DRC3: variants seen among roughly 807,000 people sequenced by gnomAD.
DRC3 encodes the protein leucine rich repeat containing 48.
A neutral mutation model predicts 57.6 loss-of-function variants in DRC3; 45 were observed. The ratio of observed to expected loss-of-function variants is 0.78; its 90% CI spans 0.62 to 1.00. The LOEUF (loss-of-function observed/expected upper bound fraction) is 1.00, where lower values mean the gene tolerates loss of function less well. Among genes scored for constraint, DRC3 ranks in the 50% least tolerant of loss-of-function variants. The pLI is 0.00. For missense variants in DRC3, 655 were observed against 675.2 expected (o/e 0.97, Z 0.33); for synonymous variants, 257 against 272.3 (o/e 0.94, Z 0.55).
intron 6 of DRC3, 23 bp from the exon 7 acceptor site, chr17:17,994,276 T>G: frequency 6.5e-7 from 1 of 1,550,154 alleles, no homozygotes; most frequent in Non-Finnish European, 8.7e-7. Flanking sequence ...CTGGTAACAA[T>G]GCCACTCCCG....
At chr17:18,015,437 T>A (rs577733965) in intron 12 of DRC3, 1 of 152,354 alleles carries the variant, frequency 6.6e-6, no homozygotes, top group African/African-American at 2.4e-5. Flanking sequence ...CAGGCAACAA[T>A]AGCCACAGTG....
chr17:17,982,140 G>A (rs985446333), intron 3 of DRC3, among the ~76,000 whole-genome samples: 7 of 150,676 alleles, frequency 4.6e-5, no homozygotes, highest in East Asian at 3.9e-4. Context: ...TTACAAGCGC[G>A]TGTCACCACG....
In DRC3 at chr17:18,007,060, C is replaced by T. The variant is rs778621351; in HGVS notation, c.1239C>T (p.His413=). Residue 413 remains histidine (H), a synonymous_variant, in exon 12 of 14, where the codon CAC becomes CAT. Coordinates refer to ENST00000399187, the MANE Select transcript of DRC3 (RefSeq NM_031294.4). Reference sequence around the variant, plus strand: ...GCCGGGACCTGGAGAATCACCACCACGAGAAGCTCCTGGAGATCTCTATCA... The same window carrying T: ...GCCGGGACCTGGAGAATCACCACCATGAGAAGCTCCTGGAGATCTCTATCA... The part of the protein sequence containing the change: ...AQCRDLENHH[H]EKLLEISIST... 7.3e-6 allele frequency: 11 copies of T among 1,507,686 alleles called. No homozygotes were observed. In the East Asian group the frequency reaches 7.8e-5, roughly 11 times the overall value. 93.4% of individuals were successfully genotyped at this position (1,507,686 alleles called of 1,614,324 possible).
At chr17:17,994,886 A>T (rs1467108864) in intron 7 of DRC3, 113 bp from the exon 8 acceptor site, 6 of 709,492 alleles carry the variant, frequency 8.5e-6, no homozygotes, top group Non-Finnish European at 1.3e-5. Flanking sequence ...TGCACATGCC[A>T]TTCTCTTTGT....
intron 3 of DRC3, among the ~76,000 whole-genome samples, chr17:17,979,622 T>C (rs1337696199): frequency 6.6e-6 from 1 of 152,194 alleles, no homozygotes; most frequent in Admixed American, 6.5e-5. Flanking sequence ...CTTTTCCTCC[T>C]GAACTGCTGA....
chr17:18,001,091 C>CT lies in DRC3; in HGVS notation c.1000-3260dup, dbSNP rs547044145. 2.3e-3 allele frequency among the ~76,000 whole-genome samples: 338 copies of CT among 143,850 alleles called. 2 individuals are homozygous for CT. The highest frequency in any genetic ancestry group is 0.012 in the East Asian group (59 of 4,948). The allele number at this position is 143,850 out of a possible 152,430, so 94.4% of individuals were successfully genotyped here. ...TTTCTTTCTTTTTTTCTTTTTCTTT[C>CT]TTTTTTTTTTTTAGCTAGTCAAATT... On this transcript the variant is annotated intron_variant, in intron 9 of 13. Coordinates refer to ENST00000399187, the MANE Select transcript of DRC3 (RefSeq NM_031294.4).
chr17:18,010,946 T>TTTGTTTGTTTG (rs1568544911), intron 12 of DRC3: 1 of 242,302 alleles, frequency 4.1e-6, no homozygotes, highest in African/African-American at 2.4e-5. Context: ...GAGGTTTTTT[T>TTTGTTTGTTTG]TTTGTTTGTT....
chr17:17,974,476 A>T (rs1004622315), intron 2 of DRC3, among the ~76,000 whole-genome samples: 11 of 152,112 alleles, frequency 7.2e-5, no homozygotes, highest in Admixed American at 2.0e-4. Flanking sequence ...GTTTCAAGCG[A>T]TTCTCCTGCC....
At chr17:17,992,511 G>T (rs545919876) in intron 5 of DRC3, among the ~76,000 whole-genome samples, 2 of 152,146 alleles carry the variant, frequency 1.3e-5, no homozygotes, top group Admixed American at 6.5e-5. Context: ...CTTGTTCAAG[G>T]TCTCACCACA....
intron 4 of DRC3, among the ~76,000 whole-genome samples, chr17:17,985,500 G>A (rs899370599): frequency 3.3e-5 from 5 of 152,220 alleles, no homozygotes; most frequent in Admixed American, 6.5e-5. Flanking sequence ...CTGGGGTGCT[G>A]AGGATGGGGG....
chr17:18,004,763 G>T, intron 10 of DRC3: 1 of 434,292 alleles, frequency 2.3e-6, no homozygotes, highest in African/African-American at 2.0e-5. Context: ...AGAGGTTTTT[G>T]ATTAGACCCC....
intron 12 of DRC3, among the ~76,000 whole-genome samples, chr17:18,009,597 C>G (rs912686101): frequency 6.6e-6 from 1 of 152,090 alleles, no homozygotes; most frequent in African/African-American, 2.4e-5. Flanking sequence ...GTAACCTGCC[C>G]AAGGACACAC....
At chr17:17,994,126 G>T in intron 6 of DRC3, 173 bp from the exon 7 acceptor site, 1 of 786,496 alleles carries the variant, frequency 1.3e-6, no homozygotes. Flanking sequence ...GGGTCATCAG[G>T]AGATGGGCAT....
At chr17:18,007,991 T>C (rs535176282) in intron 12 of DRC3, 12 of 263,302 alleles carry the variant, frequency 4.6e-5, no homozygotes, top group Non-Finnish European at 6.5e-5. Flanking sequence ...CTGCACACTT[T>C]TACACAACAC....
Position 18,007,149 on chromosome 17 carries a change from T to A in DRC3, c.1326+2T>A. 3.6e-6 allele frequency: 2 copies of A among 556,894 alleles called. No individual in the cohort carries two copies. The highest frequency in any genetic ancestry group is 4.5e-6 in the Non-Finnish European group (2 of 449,426). 34.5% of individuals were successfully genotyped at this position (556,894 alleles called of 1,614,324 possible). A position where few individuals can be genotyped will look rare whatever the true frequency, so the allele number is the denominator to read the frequency against. On this transcript the variant is annotated splice_donor_variant, in intron 12 of 13. Transcript: ENST00000399187. LOFTEE classifies it high-confidence loss of function. The stretch of plus-strand genomic sequence containing the variant: ...GACCTGCCTAACGACCTGCGCGCGG[T>A]AGGCGGGGCGGGCTGCTCGGAGCCT...
rs1425623301 is a variant in DRC3, at chr17:18,008,896, G to A, written c.1326+1749G>A. Reference sequence around the variant, plus strand: ...AACGTGCCCAATTTCTAATGACTAGGACACACAGAAAAAGATGAATCCAGA... The same window carrying A: ...AACGTGCCCAATTTCTAATGACTAGAACACACAGAAAAAGATGAATCCAGA... On this transcript the variant is annotated intron_variant, in intron 12 of 13. Transcript: ENST00000399187. This position sits in a 1 kb window ranked among gnomAD's most constrained non-coding sequence, Gnocchi z 4.3. 1.3e-5 allele frequency among the ~76,000 whole-genome samples: 2 copies of A among 152,240 alleles called. No individual in the cohort carries two copies. The highest frequency in any genetic ancestry group is 3.9e-4 in the East Asian group (2 of 5,186).
At position 18,007,038 on chromosome 17, in the gene DRC3, G is replaced by A. The variant is rs1272872199; in HGVS notation, c.1217G>A (p.Arg406Gln). The A allele has an allele frequency of 1.7e-5, 28 of 1,612,314 alleles. No homozygotes were observed. Among genetic ancestry groups the A allele is most frequent in the Non-Finnish European group, 2.1e-5 (25 of 1,179,212 alleles). ...CGGGGCTGCACGATGGCTCAGTGCC[G>A]GGACCTGGAGAATCACCACCACGAG... ...ENVQSLMAQCRDLENHHHEKL... is the reference protein window; with the variant it reads ...ENVQSLMAQCQDLENHHHEKL... The change falls in exon 12 of 14, where the codon CGG becomes CAG. Residue 406 changes from arginine to glutamine, a missense_variant. Arg to Gln is a conservative substitution (Grantham distance 43). Transcript: ENST00000399187.
chr17:17,993,044 T>C, intron 6 of DRC3, 133 bp downstream of exon 6: 2 of 902,678 alleles, frequency 2.2e-6, no homozygotes, highest in Non-Finnish European at 3.4e-6. Flanking sequence ...TCCCTCTTCC[T>C]AATCCCTTTA....
In DRC3 at chr17:18,006,997, G is replaced by A. The variant is rs747582970; in HGVS notation, c.1203-27G>A. 6.2e-6 allele frequency: 10 copies of A among 1,611,740 alleles called. No individual in the cohort carries two copies. The East Asian group carries it at 8.9e-5, about 14-fold the overall frequency. On this transcript the variant is annotated intron_variant, in intron 11 of 13. Coordinates refer to ENST00000399187, the MANE Select transcript of DRC3 (RefSeq NM_031294.4). ...GGGACGCGCCGGGCCTGCTCCTCCC[G>A]GGCCTTTGCTTAACTCGGGGCTGCA...
Sources: allele counts gnomAD v4.1 joint callset (sites outside exome capture counted in the v4.1 genomes callset), GRCh38; gene constraint gnomAD v4.1.1; non-coding constraint Gnocchi (gnomAD v3.1); transcripts MANE v1.5; gene names NCBI Gene and HGNC (gene_info 2026-07-23, HGNC 2026-07-21).